ADGRL3: variants seen among roughly 807,000 people sequenced by gnomAD.
ADGRL3 encodes the protein adhesion G protein-coupled receptor L3.
In ADGRL3, 62 loss-of-function variants were observed where a neutral mutation model predicts 153.5. That is an observed-to-expected ratio of 0.40 (90% CI 0.33 to 0.50). The LOEUF (loss-of-function observed/expected upper bound fraction) is 0.50. Ranked by LOEUF, ADGRL3 falls within the 20% of genes least tolerant of loss-of-function variation. The pLI is 0.47. For synonymous variants in ADGRL3, 710 were observed against 672.5 expected (o/e 1.06, Z -0.86); for missense variants, 1,641 against 1,859.4 (o/e 0.88, Z 2.16).
chr4:61,871,348 T>A (rs2098444496), intron 9 of ADGRL3, among the ~76,000 whole-genome samples: 1 of 151,386 alleles, frequency 6.6e-6, no homozygotes, highest in Non-Finnish European at 1.5e-5. Flanking sequence ...AATGTAGAAA[T>A]CATCTGAATT....
At chr4:61,508,286 C>T (rs1003217539) in intron 3 of ADGRL3, among the ~76,000 whole-genome samples, 98 of 152,106 alleles carry the variant, frequency 6.4e-4, no homozygotes, top group African/African-American at 2.2e-3. Context: ...TATAAAGTGC[C>T]AGCTATGAAA....
intron 8 of ADGRL3, among the ~76,000 whole-genome samples, chr4:61,767,908 G>T (rs1175938584): frequency 6.6e-6 from 1 of 152,124 alleles, no homozygotes; most frequent in Non-Finnish European, 1.5e-5. Flanking sequence ...TGAAGGTGAG[G>T]TTAATTAAGT....
chr4:61,747,921 C>T (rs931147166), intron 8 of ADGRL3, among the ~76,000 whole-genome samples: 1 of 151,970 alleles, frequency 6.6e-6, no homozygotes. Flanking sequence ...TGAAATTGTC[C>T]CTGTTTGCAG....
intron 17 of ADGRL3, among the ~76,000 whole-genome samples, chr4:61,972,249 T>C (rs1213396809): frequency 1.3e-5 from 2 of 152,170 alleles, no homozygotes; most frequent in Non-Finnish European, 2.9e-5. Flanking sequence ...ATGTCCTGAA[T>C]GGTAATGCCT....
intron 1 of ADGRL3, among the ~76,000 whole-genome samples, chr4:61,282,727 G>A (rs2093775236): frequency 6.6e-6 from 1 of 151,852 alleles, no homozygotes; most frequent in African/African-American, 2.4e-5. Context: ...TTTACTGAGT[G>A]TGAATATTGG....
chr4:61,308,490 A>G (rs1286841393), intron 1 of ADGRL3, among the ~76,000 whole-genome samples: 1 of 152,082 alleles, frequency 6.6e-6, no homozygotes, highest in African/African-American at 2.4e-5. Context: ...TGTTTTTAAG[A>G]CTTCCTTAGG....
At position 61,611,001 on chromosome 4, in the gene ADGRL3, T is replaced by C. The variant is rs1011048027; in HGVS notation, c.473+23561T>C. On this transcript the variant is annotated intron_variant, in intron 5 of 26. Transcript: ENST00000683033. ...CCCACACGAGACCATTATGTCAAAA[T>C]GTTAATATATGTAGGACCATTCTGT... Among the ~76,000 whole-genome samples, 15 of 152,244 alleles carry C rather than the reference T, an allele frequency of 9.9e-5. No individual in the cohort carries two copies. The South Asian group carries it at 1.7e-3, about 17-fold the overall frequency.
chr4:61,858,980 G>A (rs186530078), intron 9 of ADGRL3, among the ~76,000 whole-genome samples: 407 of 152,202 alleles, frequency 2.7e-3, no homozygotes, highest in Admixed American at 4.6e-3. Flanking sequence ...TTAAAAGATC[G>A]GAGTCAATAA....
At chr4:61,838,172 T>C (rs1256525262) in intron 9 of ADGRL3, among the ~76,000 whole-genome samples, 1 of 152,168 alleles carries the variant, frequency 6.6e-6, no homozygotes, top group Non-Finnish European at 1.5e-5. Context: ...GTAGTAATTA[T>C]ACTTGCTGGA....
intron 21 of ADGRL3, among the ~76,000 whole-genome samples, chr4:62,002,585 A>T (rs955797269): frequency 1.4e-4 from 21 of 152,096 alleles, no homozygotes; most frequent in African/African-American, 4.8e-4. Flanking sequence ...GAGTGAAGTA[A>T]TATAGGTAAT....
At chr4:61,238,205 G>A (rs190614332) in intron 1 of ADGRL3, among the ~76,000 whole-genome samples, 9 of 152,194 alleles carry the variant, frequency 5.9e-5, no homozygotes, top group South Asian at 2.1e-4. Flanking sequence ...TAGAACCACC[G>A]TGTCCTCCTT....
Position 61,464,357 on chromosome 4 carries a change from T to G in ADGRL3, c.-173-32764T>G, listed in dbSNP as rs575160286. Among the ~76,000 whole-genome samples, 272 of 152,204 alleles carry G rather than the reference T, an allele frequency of 1.8e-3. 2 individuals are homozygous for G. The highest frequency in any genetic ancestry group is 1.6e-3 in the Non-Finnish European group (106 of 68,006). ...ATGGCAAAAGGGTGAAACTCAAGAG[T>G]CATTAATGTCTGTCTTAAGAATGTA... is the stretch of plus-strand genomic sequence containing the variant. On this transcript the variant is annotated intron_variant, in intron 2 of 26. Transcript: ENST00000683033.
At chr4:61,863,470 C>T (rs2098369088) in intron 9 of ADGRL3, among the ~76,000 whole-genome samples, 1 of 151,822 alleles carries the variant, frequency 6.6e-6, no homozygotes, top group Admixed American at 6.6e-5. Context: ...ATCTCCTGAC[C>T]TCGTGATCCG....
chr4:61,571,011 C>T (rs2098836391), intron 4 of ADGRL3, among the ~76,000 whole-genome samples: 1 of 151,972 alleles, frequency 6.6e-6, no homozygotes, highest in Non-Finnish European at 1.5e-5. Flanking sequence ...GCTCAAATGG[C>T]CCTTTATCTT....
chr4:61,278,254 C>G (rs1188644483), intron 1 of ADGRL3, among the ~76,000 whole-genome samples: 4 of 152,114 alleles, frequency 2.6e-5, no homozygotes, highest in Non-Finnish European at 5.9e-5. Context: ...CTCTTGCTCC[C>G]TGACAGACAT....
At chr4:61,500,497 A>G (rs945553033) in intron 3 of ADGRL3, among the ~76,000 whole-genome samples, 1 of 152,196 alleles carries the variant, frequency 6.6e-6, no homozygotes, top group African/African-American at 2.4e-5. Flanking sequence ...ATCCTGGCTT[A>G]AGAGAATACT....
intron 2 of ADGRL3, among the ~76,000 whole-genome samples, chr4:61,443,374 G>A (rs1019632423): frequency 1.3e-5 from 2 of 151,770 alleles, no homozygotes; most frequent in African/African-American, 4.8e-5. Context: ...TCAATTAGAG[G>A]CATGTTCTTT....
chr4:61,469,315 C>T (rs1435975956), intron 2 of ADGRL3, among the ~76,000 whole-genome samples: 1 of 151,950 alleles, frequency 6.6e-6, no homozygotes, highest in Non-Finnish European at 1.5e-5. Flanking sequence ...CAGTGTGTTC[C>T]CTAAAGAATT....
intron 2 of ADGRL3, among the ~76,000 whole-genome samples, chr4:61,462,675 A>G (rs1165317738): frequency 6.6e-6 from 1 of 152,218 alleles, no homozygotes; most frequent in Non-Finnish European, 1.5e-5. Flanking sequence ...AAATAAAAAA[A>G]CTACAGAAAG....
Sources: allele counts gnomAD v4.1 joint callset (sites outside exome capture counted in the v4.1 genomes callset), GRCh38; gene constraint gnomAD v4.1.1; transcripts MANE v1.5; gene names NCBI Gene and HGNC (gene_info 2026-07-23, HGNC 2026-07-21).